NLGN1: variants seen among roughly 807,000 people sequenced by gnomAD.
NLGN1 encodes neuroligin-1.
Under a neutral mutation model 65.5 loss-of-function variants are expected in NLGN1, and 12 were observed. The observed-to-expected ratio is 0.18, with a 90% CI of 0.12 to 0.30. The LOEUF (loss-of-function observed/expected upper bound fraction) is 0.30. Ranked by LOEUF, NLGN1 falls within the 10% of genes least tolerant of loss-of-function variation. NLGN1 has a pLI of 1.00. For synonymous variants in NLGN1, 350 were observed against 359.5 expected (o/e 0.97, Z 0.30); for missense variants, 750 against 1,007.1 (o/e 0.74, Z 3.46).
intron 4 of NLGN1, among the ~76,000 whole-genome samples, chr3:174,049,416 T>C (rs1384084323): frequency 1.3e-5 from 2 of 151,884 alleles, no homozygotes; most frequent in African/African-American, 4.8e-5. Flanking sequence ...GAGAAAAGGG[T>C]TGAGCAGGGA....
chr3:173,671,956 C>T (rs565842299), intron 3 of NLGN1, among the ~76,000 whole-genome samples: 18 of 151,622 alleles, frequency 1.2e-4, no homozygotes, highest in Non-Finnish European at 2.4e-4. Context: ...GGGTGGATCA[C>T]GAGGTCAGGA....
chr3:173,499,247 G>T (rs1414002417), intron 2 of NLGN1, among the ~76,000 whole-genome samples: 1 of 151,764 alleles, frequency 6.6e-6, no homozygotes, highest in African/African-American at 2.4e-5. Context: ...TATAAGGAAG[G>T]GATCCAGTTT....
At chr3:173,581,990 C>A (rs1746481588) in intron 2 of NLGN1, among the ~76,000 whole-genome samples, 1 of 151,892 alleles carries the variant, frequency 6.6e-6, no homozygotes. Flanking sequence ...CCCTGAATAT[C>A]ATGTTTGTCA....
intron 3 of NLGN1, among the ~76,000 whole-genome samples, chr3:173,629,278 C>T (rs914795188): frequency 6.6e-6 from 1 of 151,740 alleles, no homozygotes; most frequent in Non-Finnish European, 1.5e-5. Context: ...AACACCATCT[C>T]TAATTTATCA....
At chr3:174,095,655 C>T (rs142651821) in intron 4 of NLGN1, among the ~76,000 whole-genome samples, 230 of 151,506 alleles carry the variant, frequency 1.5e-3, no homozygotes, top group African/African-American at 5.1e-3. Flanking sequence ...TATGTAAATG[C>T]GTGTGTATAG....
intron 5 of NLGN1, among the ~76,000 whole-genome samples, chr3:174,276,205 A>G (rs138134086): frequency 2.9e-4 from 44 of 151,966 alleles, no homozygotes; most frequent in African/African-American, 1.0e-3. Context: ...AAATCCATGA[A>G]ATATTTTTCT....
intron 4 of NLGN1, among the ~76,000 whole-genome samples, chr3:173,972,237 G>A (rs1488182580): frequency 7.2e-5 from 11 of 152,236 alleles, no homozygotes; most frequent in Non-Finnish European, 1.2e-4. Context: ...CCTGCAGCGG[G>A]AGAAGCTTCA....
intron 1 of NLGN1, among the ~76,000 whole-genome samples, chr3:173,411,169 T>A (rs1712459482): frequency 6.6e-6 from 1 of 152,214 alleles, no homozygotes. Flanking sequence ...GAGGGCAAGA[T>A]CAGCATGAGA....
At chr3:173,838,309 A>T (rs994700911) in intron 4 of NLGN1, among the ~76,000 whole-genome samples, 2 of 152,178 alleles carry the variant, frequency 1.3e-5, no homozygotes, top group African/African-American at 2.4e-5. Context: ...AGCCTTATAA[A>T]ATAGATATGA....
intron 4 of NLGN1, among the ~76,000 whole-genome samples, chr3:173,904,124 A>C (rs1193807747): frequency 6.6e-6 from 1 of 152,216 alleles, no homozygotes; most frequent in Non-Finnish European, 1.5e-5. Context: ...TATTATTTGA[A>C]AAGTCAAACT....
chr3:173,795,367 A>G (rs1448476981), intron 3 of NLGN1, among the ~76,000 whole-genome samples: 1 of 152,176 alleles, frequency 6.6e-6, no homozygotes, highest in Non-Finnish European at 1.5e-5. Context: ...CATTTTCCAG[A>G]AAGAAAATTA....
chr3:174,218,979 G>A (rs1327068884), intron 4 of NLGN1, among the ~76,000 whole-genome samples: 1 of 152,012 alleles, frequency 6.6e-6, no homozygotes, highest in Non-Finnish European at 1.5e-5. Flanking sequence ...TTCAGCTGGT[G>A]ATTCATTATG....
chr3:173,791,493 C>T (rs1038633232), intron 3 of NLGN1, among the ~76,000 whole-genome samples: 6 of 150,860 alleles, frequency 4.0e-5, no homozygotes, highest in African/African-American at 1.5e-4. Context: ...CCTTCCAAAT[C>T]CATTGGCTTG....
intron 4 of NLGN1, among the ~76,000 whole-genome samples, chr3:173,829,703 T>A (rs546537334): frequency 6.6e-6 from 1 of 152,292 alleles, no homozygotes; most frequent in Non-Finnish European, 1.5e-5. Context: ...ATTTTATAAC[T>A]GAAAGTTTGT....
At chr3:174,230,103 G>A (rs1369271679) in intron 4 of NLGN1, among the ~76,000 whole-genome samples, 3 of 152,126 alleles carry the variant, frequency 2.0e-5, no homozygotes, top group South Asian at 2.1e-4. Context: ...GCAGTGTGGT[G>A]AAATGCAATA....
At chr3:173,451,225 C>G (rs1022746585) in intron 2 of NLGN1, among the ~76,000 whole-genome samples, 4 of 152,160 alleles carry the variant, frequency 2.6e-5, no homozygotes, top group African/African-American at 4.8e-5. Flanking sequence ...TCGTGACGTA[C>G]AGATGGGTTT....
At chr3:173,733,596 G>C (rs930914951) in intron 3 of NLGN1, among the ~76,000 whole-genome samples, 10 of 152,044 alleles carry the variant, frequency 6.6e-5, no homozygotes, top group Non-Finnish European at 1.0e-4. Flanking sequence ...TTTTTCTCCT[G>C]GGTAAGATTC....
chr3:173,637,588 T>C (rs1162345102), intron 3 of NLGN1, among the ~76,000 whole-genome samples: 1 of 152,190 alleles, frequency 6.6e-6, no homozygotes, highest in Non-Finnish European at 1.5e-5. Context: ...TGTATGACTC[T>C]TAATTGCTTC....
chr3:173,489,845 G>A (rs1397201072), intron 2 of NLGN1, among the ~76,000 whole-genome samples: 3 of 152,038 alleles, frequency 2.0e-5, no homozygotes, highest in East Asian at 3.9e-4. Flanking sequence ...GTGATGATGA[G>A]CATTTTTTCA....
Sources: gnomAD v4.1 joint callset for allele counts (sites outside exome capture counted in the v4.1 genomes callset) on GRCh38, gnomAD v4.1.1 for gene constraint, MANE v1.5 for transcripts, NCBI Gene and HGNC (gene_info 2026-07-23, HGNC 2026-07-21) for gene names.